The following HDAC9 variants were observed in gnomAD, a reference collection of about 807,000 sequenced individuals.
HDAC9 encodes MEF-2 interacting transcription repressor (MITR) protein.
A neutral mutation model predicts 139.4 loss-of-function variants in HDAC9; 41 were observed. The observed-to-expected ratio is 0.29, with a 90% CI of 0.23 to 0.38. HDAC9 has a LOEUF of 0.38. Among genes scored for constraint, HDAC9 ranks in the 10% least tolerant of loss-of-function variants. HDAC9 has a pLI of 1.00. For missense variants in HDAC9, 1,147 were observed against 1,297.0 expected (o/e 0.88, Z 1.78); for synonymous variants, 517 against 476.2 (o/e 1.09, Z -1.12).
intron 1 of HDAC9, among the ~76,000 whole-genome samples, chr7:18,293,318 T>A (rs534200913): frequency 1.3e-5 from 2 of 152,154 alleles, no homozygotes; most frequent in South Asian, 2.1e-4. Flanking sequence ...CTTTTTTTTT[T>A]TTATTATACT....
rs11386457 is a variant in HDAC9 at position 18,255,626 on chromosome 7, C to CTTTTT, written c.25+93292_25+93296dup. ...ATGAGTTTTCTTTTCTTTTTCTTTC[C>CTTTTT]TTTTTTTTTTTTTTTTTTTGGAGAT... On this transcript the variant is annotated intron_variant, in intron 2 of 12. Transcript: ENST00000417496. Among the ~76,000 whole-genome samples the CTTTTT allele has an allele frequency of 6.2e-5, 7 of 113,604 alleles. 1 individual carries two copies. The highest frequency in any genetic ancestry group is 3.1e-4 in the South Asian group (1 of 3,250). 74.5% of individuals were successfully genotyped at this position (113,604 alleles called of 152,430 possible).
At chr7:18,876,703 A>ATTT (rs71017009) in intron 22 of HDAC9, among the ~76,000 whole-genome samples, 3 of 145,114 alleles carry the variant, frequency 2.1e-5, no homozygotes, top group East Asian at 2.0e-4. Flanking sequence ...ATGAGAATAG[A>ATTT]TTTTTTTTTT....
chr7:18,832,668 T>A (rs1795935799), intron 19 of HDAC9, among the ~76,000 whole-genome samples: 1 of 152,180 alleles, frequency 6.6e-6, no homozygotes, highest in Non-Finnish European at 1.5e-5. Flanking sequence ...CTTTAGATCA[T>A]ACCTGACCAA....
chr7:18,363,292 G>C (rs923151760), intron 1 of HDAC9, among the ~76,000 whole-genome samples: 5 of 151,910 alleles, frequency 3.3e-5, no homozygotes, highest in African/African-American at 1.2e-4. Context: ...TAACTTCCTG[G>C]TGTCTGATCT....
chr7:18,991,837 G>A (rs34371245), intron 25 of HDAC9, among the ~76,000 whole-genome samples: 21 of 152,142 alleles, frequency 1.4e-4, no homozygotes, highest in Non-Finnish European at 2.4e-4. Flanking sequence ...TATATTAGAT[G>A]GTAAACATTC....
chr7:18,151,004 G>C (rs888986070), intron 1 of HDAC9, among the ~76,000 whole-genome samples: 4 of 152,094 alleles, frequency 2.6e-5, no homozygotes, highest in African/African-American at 9.7e-5. Flanking sequence ...ACAGATGTTG[G>C]ATTGAGCTAT....
At chr7:18,262,057 G>C (rs1183802052) in intron 2 of HDAC9, among the ~76,000 whole-genome samples, 1 of 152,128 alleles carries the variant, frequency 6.6e-6, no homozygotes, top group Non-Finnish European at 1.5e-5. Flanking sequence ...AATCAACAAG[G>C]ACCATTTGAA....
intron 6 of HDAC9, among the ~76,000 whole-genome samples, chr7:18,627,051 C>A (rs1269937839): frequency 6.6e-6 from 1 of 152,160 alleles, no homozygotes; most frequent in African/African-American, 2.4e-5. Flanking sequence ...CTACATTCAC[C>A]CAGATCTTCA....
intron 2 of HDAC9, among the ~76,000 whole-genome samples, chr7:18,507,622 G>A (rs1800220607): frequency 6.6e-6 from 1 of 152,122 alleles, no homozygotes; most frequent in Non-Finnish European, 1.5e-5. Flanking sequence ...CTCCTGAGTA[G>A]CTGGGATTAC....
At chr7:18,877,018 G>C (rs10486315) in intron 22 of HDAC9, among the ~76,000 whole-genome samples, 8,916 of 152,012 alleles carry the variant, frequency 0.059, 469 homozygotes, top group Middle Eastern at 0.14. Context: ...AGAGAATTTC[G>C]ATGCACACTA....
chr7:18,107,661 G>A (rs1330141949), intron 1 of HDAC9, among the ~76,000 whole-genome samples: 1 of 151,976 alleles, frequency 6.6e-6, no homozygotes, highest in Non-Finnish European at 1.5e-5. Flanking sequence ...GCCTAAAGTG[G>A]ATTTTAAACT....
At chr7:18,468,036 G>A (rs1167044575) in intron 1 of HDAC9, among the ~76,000 whole-genome samples, 1 of 152,146 alleles carries the variant, frequency 6.6e-6, no homozygotes. Flanking sequence ...GATCATGGAG[G>A]TGAAGTACCT....
intron 1 of HDAC9, among the ~76,000 whole-genome samples, chr7:18,378,675 A>G (rs573321608): frequency 1.3e-5 from 2 of 152,250 alleles, no homozygotes; most frequent in East Asian, 1.9e-4. Context: ...ACATATGTTT[A>G]TATGCATATA....
chr7:18,967,921 C>T (rs992839148), intron 24 of HDAC9, among the ~76,000 whole-genome samples: 1 of 151,980 alleles, frequency 6.6e-6, no homozygotes, highest in Non-Finnish European at 1.5e-5. Flanking sequence ...CCAGCACTTT[C>T]GGAGGCCGAG....
At chr7:18,432,119 A>G (rs1790733387) in intron 1 of HDAC9, among the ~76,000 whole-genome samples, 1 of 152,156 alleles carries the variant, frequency 6.6e-6, no homozygotes. Context: ...ATCTCTATCA[A>G]TCAAATGTTG....
At chr7:18,900,652 T>C (rs1189208421) in intron 22 of HDAC9, among the ~76,000 whole-genome samples, 1 of 152,166 alleles carries the variant, frequency 6.6e-6, no homozygotes, top group Non-Finnish European at 1.5e-5. Flanking sequence ...CCACAAACTT[T>C]AGCCAATATC....
chr7:18,585,327 T>G lies in HDAC9; in HGVS notation c.69T>G (p.Pro23=). The change falls in exon 3 of 26, where the codon CCT becomes CCG. Residue 23 remains proline (P), a synonymous_variant. Coordinates refer to ENST00000686413, the MANE Select transcript of HDAC9 (RefSeq NM_178425.4). ...EVPVGLEPIS[P]LDLRTDLRMM... ...CTGTGGGCCTGGAGCCCATCTCACCTTTAGACCTAAGGACAGACCTCAGGA... is the reference window on the plus strand; with the variant it reads ...CTGTGGGCCTGGAGCCCATCTCACCGTTAGACCTAAGGACAGACCTCAGGA... The G allele has an allele frequency of 1.3e-6, 2 of 1,597,402 alleles. No homozygotes were observed. Among genetic ancestry groups the G allele is most frequent in the African/African-American group, 1.3e-5 (1 of 74,340 alleles).
At chr7:18,562,992 C>T (rs1379675684) in intron 2 of HDAC9, among the ~76,000 whole-genome samples, 4 of 151,856 alleles carry the variant, frequency 2.6e-5, no homozygotes, top group Non-Finnish European at 5.9e-5. Flanking sequence ...CAATTTTGTT[C>T]TTCTTGATGT....
chr7:18,613,917 CCT>C, intron 6 of HDAC9, among the ~76,000 whole-genome samples: 1 of 152,084 alleles, frequency 6.6e-6, no homozygotes, highest in East Asian at 1.9e-4. Context: ...ATCTGCTTTA[CCT>C]CTCTATTTTT....
Sources: allele counts gnomAD v4.1 joint callset (sites outside exome capture counted in the v4.1 genomes callset), GRCh38; gene constraint gnomAD v4.1.1; transcripts MANE v1.5; gene names NCBI Gene and HGNC (gene_info 2026-07-23, HGNC 2026-07-21).